TMEM144: variants seen among roughly 807,000 people sequenced by gnomAD.
The protein encoded by TMEM144 is transmembrane protein 144.
A neutral mutation model predicts 43.6 loss-of-function variants in TMEM144; 39 were observed. The ratio of observed to expected loss-of-function variants is 0.90; its 90% CI spans 0.69 to 1.17. TMEM144 has a LOEUF of 1.17. TMEM144 is among the 50% of genes most tolerant of loss of function. The pLI is 0.00. For missense variants in TMEM144, 417 were observed against 411.9 expected, an observed-to-expected ratio of 1.01 and a Z score of -0.11; for synonymous variants, 154 against 133.6, an observed-to-expected ratio of 1.15 and a Z score of -1.06.
intron 6 of TMEM144, among the ~76,000 whole-genome samples, chr4:158,230,058 C>T (rs750421471): frequency 6.6e-6 from 1 of 152,234 alleles, no homozygotes; most frequent in Non-Finnish European, 1.5e-5. Flanking sequence ...CAGATTCCAG[C>T]GGAGAGGCTG....
intron 4 of TMEM144, 77 bp from the exon 5 acceptor site, chr4:158,217,244 G>C: frequency 9.7e-7 from 1 of 1,026,176 alleles, no homozygotes; most frequent in Non-Finnish European, 1.4e-6. Flanking sequence ...GTTGAAGTTA[G>C]AATAAAAACT....
intron 6 of TMEM144, among the ~76,000 whole-genome samples, chr4:158,227,015 T>G (rs982221820): frequency 6.6e-6 from 1 of 152,170 alleles, no homozygotes; most frequent in Admixed American, 6.5e-5. Context: ...ACTGTTAACT[T>G]TTAGCAAACT....
At chr4:158,249,905 TGTG>T (rs1736104479) in intron 12 of TMEM144, among the ~76,000 whole-genome samples, 1 of 114,506 alleles carries the variant, frequency 8.7e-6, no homozygotes, top group Non-Finnish European at 1.9e-5. Context: ...TGTGTGTGTG[TGTG>T]TGTGTGTGTG....
chr4:158,241,486 T>C, intron 10 of TMEM144, 23 bp from the exon 11 acceptor site: 2 of 1,590,910 alleles, frequency 1.3e-6, no homozygotes, highest in African/African-American at 1.3e-5. Context: ...GGTCTGCAAA[T>C]GTGTGTTGTC....
intron 9 of TMEM144, among the ~76,000 whole-genome samples, chr4:158,238,723 GA>G (rs1347108260): frequency 6.6e-6 from 1 of 152,100 alleles, no homozygotes; most frequent in Non-Finnish European, 1.5e-5. Flanking sequence ...AGGCACAAGG[GA>G]AATCAGATCA....
At chr4:158,217,813 T>A (rs896281376) in intron 5 of TMEM144, among the ~76,000 whole-genome samples, 1 of 152,202 alleles carries the variant, frequency 6.6e-6, no homozygotes, top group African/African-American at 2.4e-5. Flanking sequence ...TTACTGTAGG[T>A]CACAGAACTA....
At chr4:158,219,860 A>G (rs565322155) in intron 6 of TMEM144, among the ~76,000 whole-genome samples, 2 of 152,160 alleles carry the variant, frequency 1.3e-5, no homozygotes, top group Non-Finnish European at 2.9e-5. Flanking sequence ...ACCTAGCTAG[A>G]CAGCTCCTCT....
Position 158,253,506 on chromosome 4 carries a change from C to G in TMEM144, c.1017C>G (p.Cys339Trp). Reference protein sequence around the residue: ...AFCIILTGALCTAFSKI With the variant: ...AFCIILTGALWTAFSKI Reference sequence around the variant, plus strand: ...GCATCATCTTGACTGGAGCCTTATGCACTGCTTTTTCTAAAATCTAACAAT... The same window carrying G: ...GCATCATCTTGACTGGAGCCTTATGGACTGCTTTTTCTAAAATCTAACAAT... Residue 339 changes from cysteine to tryptophan, a missense_variant, in exon 13 of 13, where the codon TGC becomes TGG. Coordinates refer to ENST00000296529, the MANE Select transcript of TMEM144 (RefSeq NM_018342.5). 6.2e-7 allele frequency: 1 copy of G among 1,613,730 alleles called. No individual in the cohort carries two copies. The highest frequency in any genetic ancestry group is 8.5e-7 in the Non-Finnish European group (1 of 1,179,788).
chr4:158,240,541 TGTG>T (rs1735583153), intron 10 of TMEM144, 123 bp downstream of exon 10: 2 of 584,654 alleles, frequency 3.4e-6, no homozygotes, highest in South Asian at 3.3e-5. Flanking sequence ...GTGTGTGTGT[TGTG>T]TGTGTGTGTG....
At chr4:158,247,867 C>G (rs1289591982) in intron 12 of TMEM144, among the ~76,000 whole-genome samples, 1 of 148,332 alleles carries the variant, frequency 6.7e-6, no homozygotes, top group East Asian at 2.0e-4. Context: ...GAAGCTCTTT[C>G]TAGAATTTTT....
intron 11 of TMEM144, among the ~76,000 whole-genome samples, chr4:158,243,901 A>C (rs1272583453): frequency 2.0e-5 from 3 of 152,232 alleles, no homozygotes; most frequent in Non-Finnish European, 4.4e-5. Flanking sequence ...TTCAGTTACA[A>C]GATTATCTCA....
intron 6 of TMEM144, among the ~76,000 whole-genome samples, chr4:158,227,142 C>G (rs74947137): frequency 1.4e-5 from 2 of 145,464 alleles, no homozygotes; most frequent in South Asian, 4.3e-4. Context: ...TTTTTTTTTC[C>G]TAACGGAATA....
chr4:158,214,799 A>T (rs575055514), intron 3 of TMEM144, among the ~76,000 whole-genome samples: 1 of 152,194 alleles, frequency 6.6e-6, no homozygotes, highest in Non-Finnish European at 1.5e-5. Flanking sequence ...GGGAAGCAAG[A>T]GTACTCAGTG....
chr4:158,221,158 C>CT (rs1414674653), intron 6 of TMEM144, among the ~76,000 whole-genome samples: 1 of 152,094 alleles, frequency 6.6e-6, no homozygotes, highest in Non-Finnish European at 1.5e-5. Context: ...TACAAAGTGT[C>CT]TATCAGTCTG....
At chr4:158,222,146 G>A (rs1734540188) in intron 6 of TMEM144, among the ~76,000 whole-genome samples, 1 of 151,984 alleles carries the variant, frequency 6.6e-6, no homozygotes, top group African/African-American at 2.4e-5. Flanking sequence ...CTACCCACTT[G>A]TATACATGTG....
chr4:158,222,482 A>G (rs1380543648), intron 6 of TMEM144, among the ~76,000 whole-genome samples: 2 of 152,098 alleles, frequency 1.3e-5, no homozygotes, highest in African/African-American at 4.8e-5. Context: ...ATCATTTGAG[A>G]TTGTTCCATC....
chr4:158,233,965 T>C (rs1735212393), intron 7 of TMEM144: 1 of 152,196 alleles, frequency 6.6e-6, no homozygotes, highest in Non-Finnish European at 1.5e-5. Flanking sequence ...AGACACCTCC[T>C]GCCCAACCAT....
At position 158,255,335 on chromosome 4, in the gene TMEM144, AATT is replaced by A. The variant is rs1487254219; in HGVS notation, c.*1812_*1814del. ...TAGAATTTTATATTGGATAACTTTT[AATT>A]ATTCTTTAGTTGGGATTTCCAATTT... On this transcript the variant is annotated 3_prime_UTR_variant, in exon 13 of 13. Coordinates refer to ENST00000296529, the MANE Select transcript of TMEM144 (RefSeq NM_018342.5). The A allele has an allele frequency of 1.3e-5, 2 of 151,544 alleles. No homozygotes were observed. Among genetic ancestry groups the A allele is most frequent in the African/African-American group, 4.8e-5 (2 of 41,346 alleles). 9.4% of individuals were successfully genotyped at this position (151,544 alleles called of 1,614,324 possible).
intron 7 of TMEM144, 156 bp downstream of exon 7, chr4:158,233,138 G>GCAAT: frequency 1.9e-6 from 1 of 535,008 alleles, no homozygotes; most frequent in Non-Finnish European, 3.3e-6. Flanking sequence ...GGTCTATGTA[G>GCAAT]CAATCAATCA....
Sources: allele counts gnomAD v4.1 joint callset (sites outside exome capture counted in the v4.1 genomes callset), GRCh38; gene constraint gnomAD v4.1.1; transcripts MANE v1.5; gene names NCBI Gene and HGNC (gene_info 2026-07-23, HGNC 2026-07-21).